The following FOXK2 variants were observed in gnomAD, a reference collection of about 807,000 sequenced individuals.
FOXK2 encodes the protein forkhead box protein K2.
FOXK2 carries 24 observed loss-of-function variants against 53.3 expected under a neutral mutation model. That is an observed-to-expected ratio of 0.45 (90% CI 0.33 to 0.63). The LOEUF is 0.63. Among genes scored for constraint, FOXK2 ranks in the 30% least tolerant of loss-of-function variants. The probability of loss-of-function intolerance (pLI) is 0.03; values close to 1 mark genes in which losing one functional copy is unlikely to be tolerated. For synonymous variants in FOXK2, 505 were observed against 407.1 expected (o/e 1.24, Z -2.89); for missense variants, 952 against 910.5 (o/e 1.05, Z -0.59).
intron 6 of FOXK2, among the ~76,000 whole-genome samples, chr17:82,584,784 C>T (rs2045113366): frequency 6.6e-6 from 1 of 152,244 alleles, no homozygotes; most frequent in Non-Finnish European, 1.5e-5. Flanking sequence ...GACCTCGTGA[C>T]CTCATGATCC....
chr17:82,589,040 C>T (rs1403407597), intron 8 of FOXK2, among the ~76,000 whole-genome samples: 3 of 151,810 alleles, frequency 2.0e-5, no homozygotes, highest in Admixed American at 1.3e-4. Context: ...CCCGGGCGAC[C>T]GTGCGAGACT....
At chr17:82,561,664 C>T (rs562717008) in intron 1 of FOXK2, among the ~76,000 whole-genome samples, 3 of 141,408 alleles carry the variant, frequency 2.1e-5, no homozygotes, top group African/African-American at 5.3e-5. Context: ...AGCGGCAGCA[C>T]GGCAAAGAAG....
At chr17:82,532,876 AT>A (rs2044485657) in intron 1 of FOXK2, among the ~76,000 whole-genome samples, 1 of 152,144 alleles carries the variant, frequency 6.6e-6, no homozygotes, top group Non-Finnish European at 1.5e-5. Flanking sequence ...CCACAAAAAT[AT>A]TTTTGTATTC....
intron 1 of FOXK2, among the ~76,000 whole-genome samples, chr17:82,559,114 G>T (rs901107779): frequency 6.6e-6 from 1 of 152,024 alleles, no homozygotes; most frequent in African/African-American, 2.4e-5. Flanking sequence ...GGCTGGTCTC[G>T]AACTTCTGAC....
chr17:82,570,826 T>A (rs2044909567), intron 3 of FOXK2, among the ~76,000 whole-genome samples: 1 of 152,204 alleles, frequency 6.6e-6, no homozygotes, highest in Non-Finnish European at 1.5e-5. Context: ...GGTTTCAAGT[T>A]GTCACTATGA....
At chr17:82,594,621 G>A (rs2045291700) in intron 8 of FOXK2, among the ~76,000 whole-genome samples, 1 of 152,144 alleles carries the variant, frequency 6.6e-6, no homozygotes, top group Non-Finnish European at 1.5e-5. Context: ...CTTTCCAAAA[G>A]CCGCCCTCTG....
chr17:82,537,917 CAAAAAAAAA>C (rs568515827), intron 1 of FOXK2, among the ~76,000 whole-genome samples: 13 of 67,518 alleles, frequency 1.9e-4, no homozygotes, highest in South Asian at 9.2e-4. Context: ...ACTCTGTCTC[CAAAAAAAAA>C]AAAAAAAAAA....
intron 1 of FOXK2, among the ~76,000 whole-genome samples, 200 bp from the exon 2 acceptor site, chr17:82,563,154 T>C (rs1292503249): frequency 6.6e-6 from 1 of 152,148 alleles, no homozygotes; most frequent in African/African-American, 2.4e-5. Flanking sequence ...AGTAGCGTTT[T>C]CTTACTGGTG....
At chr17:82,595,643 A>G (rs1243075502) in intron 8 of FOXK2, 7 of 557,156 alleles carry the variant, frequency 1.3e-5, no homozygotes, top group South Asian at 7.8e-5. Context: ...AGTGCTATAC[A>G]TGTGGTCACG....
intron 1 of FOXK2, among the ~76,000 whole-genome samples, chr17:82,523,337 C>T (rs2044385682): frequency 6.6e-6 from 1 of 152,116 alleles, no homozygotes; most frequent in African/African-American, 2.4e-5. Flanking sequence ...AAATTATTAA[C>T]CTAGAGGATA....
intron 1 of FOXK2, among the ~76,000 whole-genome samples, chr17:82,555,315 A>T (rs2044712804): frequency 6.6e-6 from 1 of 152,186 alleles, no homozygotes; most frequent in Non-Finnish European, 1.5e-5. Flanking sequence ...CACAGGTCCC[A>T]GGAGGATCTA....
chr17:82,593,355 A>AG (rs1195035385), intron 8 of FOXK2: 3 of 132,240 alleles, frequency 2.3e-5, no homozygotes, highest in Middle Eastern at 3.4e-3. Context: ...GAAGGAAGGA[A>AG]GGAGGGAGGG....
At chr17:82,524,188 C>G (rs1281494307) in intron 1 of FOXK2, among the ~76,000 whole-genome samples, 1 of 152,206 alleles carries the variant, frequency 6.6e-6, no homozygotes, top group Admixed American at 6.5e-5. Context: ...CTGCGCCTGT[C>G]CTAAGGCTGA....
At chr17:82,594,839 A>G (rs2045293797) in intron 8 of FOXK2, among the ~76,000 whole-genome samples, 1 of 152,224 alleles carries the variant, frequency 6.6e-6, no homozygotes, top group South Asian at 2.1e-4. Flanking sequence ...TGTGCCCAGG[A>G]GTTCAAGACC....
chr17:82,563,750 C>CTTTTTTTTTTTTTTTTTTT (rs1567975420), intron 2 of FOXK2, among the ~76,000 whole-genome samples: 1 of 94,616 alleles, frequency 1.1e-5, no homozygotes, highest in Non-Finnish European at 2.2e-5. Context: ...TTACTCATTC[C>CTTTTTTTTTTTTTTTTTTT]CTTTTTTTTT....
In FOXK2 at chr17:82,543,178, C is replaced by CCAATT. The variant is rs1555636358; in HGVS notation, c.420-20174_420-20173insATTCA. On this transcript the variant is annotated intron_variant, in intron 1 of 8. Transcript: ENST00000335255. The stretch of plus-strand genomic sequence containing the variant: ...TTTGTCTTAAAACTGTTATCTAAAT[C>CCAATT]CACAACTATTTTTAAATGCTTAGTA... 2.0e-5 allele frequency among the ~76,000 whole-genome samples: 3 copies of CCAATT among 151,858 alleles called. No individual in the cohort carries two copies. In the East Asian group the frequency reaches 5.8e-4, roughly 29 times the overall value.
rs563780844 is a variant in FOXK2, at chr17:82,597,930, G to A, written c.1787-3373G>A. 1.3e-4 allele frequency among the ~76,000 whole-genome samples: 20 copies of A among 152,248 alleles called. No individual in the cohort carries two copies. In the East Asian group the frequency reaches 3.1e-3, roughly 24 times the overall value. ...CTCCCCAAGTGCTGGGATTACAGGCGTGAGCCACCGCGCCCGGCCTCCCAG... is the reference window on the plus strand; with the variant it reads ...CTCCCCAAGTGCTGGGATTACAGGCATGAGCCACCGCGCCCGGCCTCCCAG... On this transcript the variant is annotated intron_variant, in intron 8 of 8. Coordinates refer to ENST00000335255, the MANE Select transcript of FOXK2 (RefSeq NM_004514.4).
Position 82,585,891 on chromosome 17 carries a change from T to C in FOXK2, c.1280-13T>C. ...GTATCTGTAAGTGTCAGTCCTGCTG[T>C]GTCTTTCACCAGGGTCACCTCTGTC... On this transcript the variant is annotated splice_polypyrimidine_tract_variant and intron_variant, in intron 6 of 8. Transcript: ENST00000335255. The C allele has an allele frequency of 6.2e-7, 1 of 1,602,016 alleles. No individual in the cohort carries two copies. The highest frequency in any genetic ancestry group is 1.1e-5 in the South Asian group (1 of 90,666).
intron 4 of FOXK2, among the ~76,000 whole-genome samples, chr17:82,574,068 G>T (rs1196617090): frequency 1.2e-4 from 18 of 152,226 alleles, no homozygotes; most frequent in Admixed American, 1.2e-3. Flanking sequence ...GCAGGTGCCT[G>T]CACAGCTCAC....
Sources: gnomAD v4.1 joint callset for allele counts (sites outside exome capture counted in the v4.1 genomes callset) on GRCh38, gnomAD v4.1.1 for gene constraint, MANE v1.5 for transcripts, NCBI Gene and HGNC (gene_info 2026-07-23, HGNC 2026-07-21) for gene names.